MGAT4C: variants seen among roughly 807,000 people sequenced by gnomAD.
MGAT4C encodes MGAT4 family member C, also known as alpha-1,3-mannosyl-glycoprotein 4-beta-N-acetylglucosaminyltransferase C.
In MGAT4C, 19 loss-of-function variants were observed where a neutral mutation model predicts 40.1. The ratio of observed to expected loss-of-function variants is 0.47; its 90% CI spans 0.33 to 0.70. The LOEUF (loss-of-function observed/expected upper bound fraction) is 0.70, where lower values mean the gene tolerates loss of function less well. MGAT4C is among the 30% of genes least tolerant of loss of function. The pLI, the probability that MGAT4C is intolerant of heterozygous loss-of-function variation, is 0.02. For missense variants in MGAT4C, 491 were observed against 563.2 expected (o/e 0.87, Z 1.30); for synonymous variants, 181 against 187.1 (o/e 0.97, Z 0.27).
intron 1 of MGAT4C, among the ~76,000 whole-genome samples, chr12:86,104,702 T>C (rs1278794012): frequency 1.3e-5 from 2 of 152,160 alleles, no homozygotes; most frequent in African/African-American, 4.8e-5. Context: ...AAATAAGCCA[T>C]AGTATTTGTT....
At chr12:86,648,846 T>A (rs1435690297) in intron 2 of MGAT4C, among the ~76,000 whole-genome samples, 1 of 151,910 alleles carries the variant, frequency 6.6e-6, no homozygotes, top group Non-Finnish European at 1.5e-5. Context: ...TGAATGTCAC[T>A]CCTCAAAATT....
intron 2 of MGAT4C, among the ~76,000 whole-genome samples, chr12:86,524,419 C>T (rs747299768): frequency 6.6e-6 from 1 of 151,948 alleles, no homozygotes; most frequent in African/African-American, 2.4e-5. Context: ...ATATTGGCCC[C>T]CAATCTACTC....
chr12:86,705,695 T>G (rs1383466822), intron 2 of MGAT4C, among the ~76,000 whole-genome samples: 2 of 152,168 alleles, frequency 1.3e-5, no homozygotes, highest in East Asian at 1.9e-4. Flanking sequence ...GAAAGAAAAT[T>G]TAGCATTGAT....
At chr12:86,219,583 C>G (rs839107) in intron 1 of MGAT4C, among the ~76,000 whole-genome samples, 135,989 of 152,240 alleles carry the variant, frequency 0.89, 60,955 homozygotes, top group East Asian at 1. Flanking sequence ...GTAGCTAAAA[C>G]CTTATTAGTA....
chr12:85,996,050 G>A (rs1205978955), intron 2 of MGAT4C, among the ~76,000 whole-genome samples: 3 of 152,136 alleles, frequency 2.0e-5, no homozygotes, highest in East Asian at 1.9e-4. Flanking sequence ...ATAGGACAAT[G>A]TCTAGAACTT....
Position 86,109,919 on chromosome 12 carries a change from G to A in MGAT4C, c.-56-60196C>T, listed in dbSNP as rs149717950. 4.0e-5 allele frequency among the ~76,000 whole-genome samples: 6 copies of A among 151,898 alleles called. No individual in the cohort carries two copies. In the East Asian group the frequency reaches 7.8e-4, roughly 20 times the overall value. ...GTGGATATAACAGGAGAATCTAAAT[G>A]AGCCTAGGATGAAAAAAACTTCGTG... On this transcript the variant is annotated intron_variant, in intron 1 of 4. Coordinates refer to ENST00000611864, the MANE Select transcript of MGAT4C (RefSeq NM_001351288.2).
intron 1 of MGAT4C, among the ~76,000 whole-genome samples, chr12:86,802,083 T>A (rs985442619): frequency 2.5e-4 from 38 of 152,076 alleles, no homozygotes; most frequent in African/African-American, 9.1e-4. Flanking sequence ...GGTCAATAGT[T>A]ATTCTCTAAA....
intron 1 of MGAT4C, among the ~76,000 whole-genome samples, chr12:86,837,834 C>T (rs1471664234): frequency 1.3e-5 from 2 of 152,130 alleles, no homozygotes; most frequent in Non-Finnish European, 2.9e-5. Context: ...TTTTCAGAAA[C>T]AGACACGGAA....
At chr12:86,374,200 G>A (rs549672192) in intron 3 of MGAT4C, among the ~76,000 whole-genome samples, 1 of 152,180 alleles carries the variant, frequency 6.6e-6, no homozygotes, top group Non-Finnish European at 1.5e-5. Flanking sequence ...TGTGAGCTGA[G>A]AATGAACAAT....
At chr12:86,301,293 C>T (rs1953804178) in intron 4 of MGAT4C, among the ~76,000 whole-genome samples, 1 of 152,080 alleles carries the variant, frequency 6.6e-6, no homozygotes, top group Non-Finnish European at 1.5e-5. Context: ...TATTTTTTAT[C>T]AGTGATATTT....
At chr12:85,983,250 T>G (rs1401898375) in intron 4 of MGAT4C, among the ~76,000 whole-genome samples, 2 of 152,160 alleles carry the variant, frequency 1.3e-5, no homozygotes, top group Non-Finnish European at 2.9e-5. Context: ...TTAAAGTAAA[T>G]TGATTTTTTT....
intron 1 of MGAT4C, among the ~76,000 whole-genome samples, chr12:86,215,131 C>T (rs1593256471): frequency 6.6e-6 from 1 of 151,866 alleles, no homozygotes; most frequent in African/African-American, 2.4e-5. Flanking sequence ...TCTTACAATG[C>T]TTCTGGAGCA....
At chr12:86,391,166 T>G (rs1956154183) in intron 3 of MGAT4C, among the ~76,000 whole-genome samples, 1 of 152,202 alleles carries the variant, frequency 6.6e-6, no homozygotes, top group Non-Finnish European at 1.5e-5. Flanking sequence ...AAGAAGCTTT[T>G]GGATGATAGG....
intron 2 of MGAT4C, among the ~76,000 whole-genome samples, chr12:85,994,490 A>G (rs1886373039): frequency 6.6e-6 from 1 of 152,188 alleles, no homozygotes; most frequent in African/African-American, 2.4e-5. Context: ...CATTTATTAA[A>G]CAAACTATGC....
intron 2 of MGAT4C, among the ~76,000 whole-genome samples, chr12:86,501,253 C>G (rs1344187187): frequency 6.6e-6 from 1 of 151,920 alleles, no homozygotes; most frequent in East Asian, 1.9e-4. Flanking sequence ...TAGAAGATAA[C>G]AAAGGAAATT....
At chr12:86,328,618 A>C (rs966700549) in intron 4 of MGAT4C, among the ~76,000 whole-genome samples, 1 of 152,312 alleles carries the variant, frequency 6.6e-6, no homozygotes, top group African/African-American at 2.4e-5. Flanking sequence ...TGTGAGATTC[A>C]TATTATGAAG....
At chr12:86,631,286 T>C (rs1395994997) in intron 2 of MGAT4C, among the ~76,000 whole-genome samples, 1 of 152,152 alleles carries the variant, frequency 6.6e-6, no homozygotes, top group Non-Finnish European at 1.5e-5. Context: ...CATTCCATGC[T>C]CATGGATAGG....
chr12:86,536,570 C>T (rs891567350), intron 2 of MGAT4C, among the ~76,000 whole-genome samples: 3 of 151,922 alleles, frequency 2.0e-5, no homozygotes, highest in Non-Finnish European at 4.4e-5. Flanking sequence ...TAAAATAAAA[C>T]CTCTTTAAGC....
intron 2 of MGAT4C, among the ~76,000 whole-genome samples, chr12:86,601,458 T>A (rs1272197791): frequency 6.6e-6 from 1 of 152,056 alleles, no homozygotes; most frequent in Non-Finnish European, 1.5e-5. Context: ...CTCAAGCCCC[T>A]GGGGACTACT....
Sources: gnomAD v4.1 joint callset for allele counts (sites outside exome capture counted in the v4.1 genomes callset) on GRCh38, gnomAD v4.1.1 for gene constraint, MANE v1.5 for transcripts, NCBI Gene and HGNC (gene_info 2026-07-23, HGNC 2026-07-21) for gene names.